The following ELF2 variants were observed in gnomAD, a reference collection of about 807,000 sequenced individuals.
The protein encoded by ELF2 is E74 like ETS transcription factor 2, also known as ETS-related transcription factor Elf-2.
A neutral mutation model predicts 54.8 loss-of-function variants in ELF2; 11 were observed. That is an observed-to-expected ratio of 0.20 (90% CI 0.13 to 0.33). The LOEUF is 0.33. ELF2 is among the 10% of genes least tolerant of loss of function. ELF2 has a pLI of 1.00. For missense variants in ELF2, 513 were observed against 703.0 expected, an observed-to-expected ratio of 0.73 and a Z score of 3.06; for synonymous variants, 203 against 245.1, an observed-to-expected ratio of 0.83 and a Z score of 1.61.
chr4:139,073,923 T>C (rs1377428667), intron 4 of ELF2, among the ~76,000 whole-genome samples: 1 of 152,042 alleles, frequency 6.6e-6, no homozygotes, highest in Non-Finnish European at 1.5e-5. Context: ...GGTCAGGAGT[T>C]GAAGACCAGC....
intron 4 of ELF2, among the ~76,000 whole-genome samples, chr4:139,074,432 AG>A (rs1729980323): frequency 6.6e-6 from 1 of 152,118 alleles, no homozygotes; most frequent in South Asian, 2.1e-4. Flanking sequence ...TCCGTGTCCA[AG>A]GGTTCCGCAT....
intron 2 of ELF2, 30 bp downstream of exon 2, chr4:139,139,383 A>G: frequency 9.0e-7 from 1 of 1,107,820 alleles, no homozygotes; most frequent in Non-Finnish European, 1.1e-6. Context: ...CCCAATATAT[A>G]TAATAATAGC....
chr4:139,080,533 T>A (rs901916066), intron 4 of ELF2, among the ~76,000 whole-genome samples: 4 of 152,090 alleles, frequency 2.6e-5, no homozygotes, highest in Non-Finnish European at 5.9e-5. Context: ...TCCAGAAAAA[T>A]TTCACCTTCA....
intron 3 of ELF2, among the ~76,000 whole-genome samples, chr4:139,133,541 GTACA>G (rs1005089665): frequency 3.0e-4 from 45 of 152,036 alleles, no homozygotes; most frequent in African/African-American, 1.0e-3. Flanking sequence ...CATAAACTTG[GTACA>G]TCTCTCTATT....
chr4:139,073,791 A>G (rs2148700713), intron 4 of ELF2: 1 of 250,044 alleles, frequency 4.0e-6, no homozygotes, highest in Non-Finnish European at 7.5e-6. Flanking sequence ...ATACTGATAT[A>G]AAATGAATAT....
chr4:139,147,095 G>C (rs1739293902), intron 1 of ELF2, among the ~76,000 whole-genome samples: 1 of 152,074 alleles, frequency 6.6e-6, no homozygotes, highest in Non-Finnish European at 1.5e-5. Flanking sequence ...TCAGAGTAAA[G>C]AGACAACCCA....
chr4:139,162,381 A>AC (rs1284090306), intron 1 of ELF2, among the ~76,000 whole-genome samples: 1 of 151,728 alleles, frequency 6.6e-6, no homozygotes, highest in Non-Finnish European at 1.5e-5. Flanking sequence ...AACATACAAA[A>AC]AATAGCTGGT....
chr4:139,153,261 C>T (rs1740197825), intron 1 of ELF2, among the ~76,000 whole-genome samples: 3 of 151,800 alleles, frequency 2.0e-5, no homozygotes, highest in Admixed American at 2.0e-4. Context: ...ATGGGGAGAC[C>T]CCATCTCTAC....
At chr4:139,166,062 G>A (rs1166673219) in intron 1 of ELF2, among the ~76,000 whole-genome samples, 1 of 152,128 alleles carries the variant, frequency 6.6e-6, no homozygotes, top group Non-Finnish European at 1.5e-5. Flanking sequence ...AACAGGCTGG[G>A]CATGGTGGCT....
At chr4:139,114,514 G>A (rs1735326810) in intron 4 of ELF2, among the ~76,000 whole-genome samples, 2 of 144,360 alleles carry the variant, frequency 1.4e-5, no homozygotes, top group Admixed American at 7.4e-5. Context: ...AGTGAGCTGA[G>A]ATCGCGCCAC....
At chr4:139,089,909 A>C (rs1015635581) in intron 4 of ELF2, among the ~76,000 whole-genome samples, 6 of 152,140 alleles carry the variant, frequency 3.9e-5, no homozygotes, top group Non-Finnish European at 8.8e-5. Flanking sequence ...ATACCAACAA[A>C]CAGTTTCTAG....
At chr4:139,071,417 A>C (rs1171213775) in intron 6 of ELF2, among the ~76,000 whole-genome samples, 1 of 152,014 alleles carries the variant, frequency 6.6e-6, no homozygotes, top group Non-Finnish European at 1.5e-5. Flanking sequence ...TCACCTCCTG[A>C]GCAGCTGGGA....
intron 1 of ELF2, among the ~76,000 whole-genome samples, chr4:139,152,203 T>C (rs554541416): frequency 6.6e-6 from 1 of 152,310 alleles, no homozygotes; most frequent in South Asian, 2.1e-4. Context: ...TTTTACTACA[T>C]GTAAATTAAA....
chr4:139,123,380 T>C (rs551657558), intron 4 of ELF2, among the ~76,000 whole-genome samples: 5 of 152,290 alleles, frequency 3.3e-5, no homozygotes, highest in African/African-American at 1.2e-4. Context: ...TTACCTAGAC[T>C]TCCCATATCC....
chr4:139,067,856 T>C, intron 6 of ELF2, 86 bp from the exon 7 acceptor site: 1 of 1,250,900 alleles, frequency 8.0e-7, no homozygotes, highest in Non-Finnish European at 1.1e-6. Flanking sequence ...TTACACATTA[T>C]TCATTTAAAT....
chr4:139,087,922 T>C (rs926783153), intron 4 of ELF2, among the ~76,000 whole-genome samples: 3 of 152,142 alleles, frequency 2.0e-5, no homozygotes, highest in African/African-American at 7.2e-5. Flanking sequence ...TTGAATACAC[T>C]GGGAAAAAAA....
intron 4 of ELF2, among the ~76,000 whole-genome samples, chr4:139,109,672 T>C (rs1734763430): frequency 1.3e-5 from 2 of 152,226 alleles, no homozygotes. Context: ...TAAAAAGGAA[T>C]GAAATCGTGT....
intron 4 of ELF2, among the ~76,000 whole-genome samples, chr4:139,087,708 G>A (rs767144686): frequency 2.4e-4 from 36 of 152,144 alleles, no homozygotes; most frequent in African/African-American, 3.6e-4. Context: ...CTCGTGATCC[G>A]CCCTCCCCGG....
chr4:139,114,845 A>T (rs1735448419), intron 4 of ELF2: 1 of 1,592,496 alleles, frequency 6.3e-7, no homozygotes, highest in Non-Finnish European at 8.6e-7. Flanking sequence ...GCCTGGCCGC[A>T]GGGTCCCCCG....
Sources: gnomAD v4.1 joint callset for allele counts (sites outside exome capture counted in the v4.1 genomes callset) on GRCh38, gnomAD v4.1.1 for gene constraint, MANE v1.5 for transcripts, NCBI Gene and HGNC (gene_info 2026-07-23, HGNC 2026-07-21) for gene names.